The following GAS7 variants were observed in gnomAD, a reference collection of about 807,000 sequenced individuals.
GAS7 encodes growth arrest specific 7, also known as growth arrest-specific protein 7.
A neutral mutation model predicts 71.1 loss-of-function variants in GAS7; 28 were observed. The observed-to-expected ratio is 0.39, with a 90% CI of 0.29 to 0.54. The LOEUF (loss-of-function observed/expected upper bound fraction) is 0.54. GAS7 is among the 20% of genes least tolerant of loss of function. The pLI is 0.62. For synonymous variants in GAS7, 258 were observed against 245.8 expected (o/e 1.05, Z -0.46); for missense variants, 436 against 627.8 (o/e 0.69, Z 3.27).
At position 9,969,387 on chromosome 17, in the gene GAS7, T is replaced by C. The variant is rs2069858752; in HGVS notation, c.471+290A>G. ...AGTGGTGAGAAACACAGGCTTCAGGTATCAGGAATCCAGACCAGAGAATGG... is the reference window on the plus strand; with the variant it reads ...AGTGGTGAGAAACACAGGCTTCAGGCATCAGGAATCCAGACCAGAGAATGG... On this transcript the variant is annotated intron_variant, in intron 4 of 13. Coordinates refer to ENST00000432992, the MANE Select transcript of GAS7 (RefSeq NM_201433.2). This position sits in a 1 kb window ranked among gnomAD's most constrained non-coding sequence, Gnocchi z 5.5. Among the ~76,000 whole-genome samples the C allele has an allele frequency of 6.6e-6, 1 of 152,088 alleles. No individual in the cohort carries two copies. Among genetic ancestry groups the C allele is most frequent in the African/African-American group, 2.4e-5 (1 of 41,388 alleles).
chr17:9,964,078 A>G (rs923289854), intron 4 of GAS7, among the ~76,000 whole-genome samples: 1 of 152,088 alleles, frequency 6.6e-6, no homozygotes, highest in Non-Finnish European at 1.5e-5. Context: ...AATGCCTATA[A>G]TAAGAGTATT....
intron 1 of GAS7, among the ~76,000 whole-genome samples, chr17:10,110,661 G>A (rs567135999): frequency 2.6e-5 from 4 of 152,094 alleles, no homozygotes; most frequent in East Asian, 1.9e-4. Context: ...TAGTAGAGAC[G>A]GTGTTTCACC....
intron 11 of GAS7, among the ~76,000 whole-genome samples, chr17:9,921,768 G>A (rs2067819013): frequency 6.6e-6 from 1 of 151,970 alleles, no homozygotes; most frequent in Non-Finnish European, 1.5e-5. Flanking sequence ...GACCATCCTG[G>A]CTAACACGGT....
intron 1 of GAS7, chr17:10,036,643 T>C: frequency 3.5e-6 from 5 of 1,432,786 alleles, no homozygotes; most frequent in Non-Finnish European, 4.5e-6. Context: ...TCATTGCTGT[T>C]CTTTCACAAA....
At chr17:9,995,229 G>C (rs913520466) in intron 2 of GAS7, among the ~76,000 whole-genome samples, 2 of 152,172 alleles carry the variant, frequency 1.3e-5, no homozygotes, top group African/African-American at 4.8e-5. Flanking sequence ...AATAAATGTG[G>C]ACCTGTCTCC....
chr17:9,921,444 C>T (rs73974338), intron 11 of GAS7, among the ~76,000 whole-genome samples: 3,069 of 152,218 alleles, frequency 0.02, 97 homozygotes, highest in African/African-American at 0.071. Context: ...GCAAGAGCTC[C>T]TGCCTGGCCG....
At chr17:10,047,450 G>A (rs1010549373) in intron 1 of GAS7, among the ~76,000 whole-genome samples, 1 of 152,228 alleles carries the variant, frequency 6.6e-6, no homozygotes, top group Non-Finnish European at 1.5e-5. Context: ...GCCAAGGCTA[G>A]TGACAGTCGA....
chr17:10,187,323 C>T (rs981935284), intron 1 of GAS7, among the ~76,000 whole-genome samples: 1 of 152,142 alleles, frequency 6.6e-6, no homozygotes, highest in Non-Finnish European at 1.5e-5. Flanking sequence ...ATCCATGTTG[C>T]TTTACCACTG....
At chr17:10,192,071 A>T (rs1360082962) in intron 1 of GAS7, among the ~76,000 whole-genome samples, 1 of 152,126 alleles carries the variant, frequency 6.6e-6, no homozygotes, top group South Asian at 2.1e-4. Flanking sequence ...AGGTGGGTGG[A>T]TCCTCTTAAG....
Position 10,103,264 on chromosome 17 carries a change from A to C in GAS7, c.184-83367T>G, listed in dbSNP as rs1431130702. Among the ~76,000 whole-genome samples, 1 of 152,050 alleles carries C rather than the reference A, an allele frequency of 6.6e-6. No homozygotes were observed. Among genetic ancestry groups the C allele is most frequent in the Non-Finnish European group, 1.5e-5 (1 of 67,990 alleles). Reference sequence around the variant, plus strand: ...GAGGCTAAGGTGGGAGAATCACCTGAGCCTGGGGAGTAGAGGCTGCAGTGA... The same window carrying C: ...GAGGCTAAGGTGGGAGAATCACCTGCGCCTGGGGAGTAGAGGCTGCAGTGA... On this transcript the variant is annotated intron_variant, in intron 1 of 13. Coordinates refer to ENST00000432992, the MANE Select transcript of GAS7 (RefSeq NM_201433.2). This position sits in a 1 kb window ranked among gnomAD's most constrained non-coding sequence, Gnocchi z 5.5.
intron 11 of GAS7, among the ~76,000 whole-genome samples, chr17:9,923,813 G>T (rs945221419): frequency 4.6e-5 from 7 of 152,214 alleles, no homozygotes; most frequent in Non-Finnish European, 8.8e-5. Flanking sequence ...ACACAAAGAT[G>T]CAGGTACAAT....
chr17:10,073,730 C>T (rs181431279), intron 1 of GAS7, among the ~76,000 whole-genome samples: 160 of 152,286 alleles, frequency 1.1e-3, no homozygotes, highest in African/African-American at 3.8e-3. Context: ...TGATCAAGTG[C>T]GTGACAGCTA....
intron 1 of GAS7, among the ~76,000 whole-genome samples, chr17:10,149,042 G>T (rs1295658583): frequency 2.6e-5 from 4 of 152,110 alleles, no homozygotes; most frequent in Non-Finnish European, 5.9e-5. Flanking sequence ...TTGCTGCAAG[G>T]CATGTCAGCC....
intron 1 of GAS7, among the ~76,000 whole-genome samples, chr17:10,159,642 A>C (rs1304329008): frequency 6.6e-6 from 1 of 152,188 alleles, no homozygotes; most frequent in Non-Finnish European, 1.5e-5. Context: ...AGAAGTCAAG[A>C]TCGGGGTCAC....
intron 2 of GAS7, among the ~76,000 whole-genome samples, chr17:10,004,838 T>C (rs573380769): frequency 1.2e-3 from 176 of 152,246 alleles, no homozygotes; most frequent in Non-Finnish European, 2.2e-3. Flanking sequence ...GGTGAAATCC[T>C]GTCTCTACAA....
intron 1 of GAS7, among the ~76,000 whole-genome samples, chr17:10,053,402 A>G (rs1195696656): frequency 6.6e-6 from 1 of 152,168 alleles, no homozygotes; most frequent in East Asian, 1.9e-4. Context: ...CTGAGTTACC[A>G]ATGCTAGATC....
chr17:10,066,875 T>G (rs1205961302), intron 1 of GAS7, among the ~76,000 whole-genome samples: 2 of 152,150 alleles, frequency 1.3e-5, no homozygotes, highest in Non-Finnish European at 2.9e-5. Flanking sequence ...GGAGCCAGAC[T>G]GCCTGGGTTC....
In GAS7 at chr17:9,969,617, G is replaced by A. The variant is rs2069870572; in HGVS notation, c.471+60C>T. 3.0e-6 allele frequency: 3 copies of A among 1,009,960 alleles called. No individual in the cohort carries two copies. Among genetic ancestry groups the A allele is most frequent in the African/African-American group, 3.1e-5 (2 of 63,544 alleles). The allele number at this position is 1,009,960 out of a possible 1,614,324, so 62.6% of individuals were successfully genotyped here. ...GGACTCCCATGATGGACTTTGTAAT[G>A]CAGTTTCCTAGGCCTGCAGAAGCAG... On this transcript the variant is annotated intron_variant, in intron 4 of 13. Coordinates refer to ENST00000432992, the MANE Select transcript of GAS7 (RefSeq NM_201433.2). This position sits in a 1 kb window ranked among gnomAD's most constrained non-coding sequence, Gnocchi z 5.5.
In GAS7 at chr17:9,943,048, GC is replaced by G. The variant is rs368137688; in HGVS notation, c.731+72del. 7 of 916,978 alleles carry G rather than the reference GC, an allele frequency of 7.6e-6. No individual in the cohort carries two copies. The African/African-American group carries it at 8.2e-5, about 11-fold the overall frequency. The allele number at this position is 916,978 out of a possible 1,614,324, so 56.8% of individuals were successfully genotyped here. Reference sequence around the variant, plus strand: ...GTGCAGTACTGAGTCCTGTGCTGTCGCCCCGCCCCGGCCACGGGGCCCCGGG... The same window carrying G: ...GTGCAGTACTGAGTCCTGTGCTGTCGCCCGCCCCGGCCACGGGGCCCCGGG... On this transcript the variant is annotated intron_variant, in intron 7 of 13. Coordinates refer to ENST00000432992, the MANE Select transcript of GAS7 (RefSeq NM_201433.2).
Sources: gnomAD v4.1 joint callset for allele counts (sites outside exome capture counted in the v4.1 genomes callset) on GRCh38, gnomAD v4.1.1 for gene constraint, Gnocchi (gnomAD v3.1) non-coding constraint, MANE v1.5 for transcripts, NCBI Gene and HGNC (gene_info 2026-07-23, HGNC 2026-07-21) for gene names.